ABLIM1: variants seen among roughly 807,000 people sequenced by gnomAD.
ABLIM1 encodes actin binding LIM protein 1, also known as actin-binding LIM protein 1.
Under a neutral mutation model 107.0 loss-of-function variants are expected in ABLIM1, and 40 were observed. The ratio of observed to expected loss-of-function variants is 0.37; its 90% CI spans 0.29 to 0.49. The LOEUF (loss-of-function observed/expected upper bound fraction) is 0.49. Ranked by LOEUF, ABLIM1 falls within the 20% of genes least tolerant of loss-of-function variation. ABLIM1 has a pLI of 0.97. For synonymous variants in ABLIM1, 357 were observed against 357.3 expected, an observed-to-expected ratio of 1.00 and a Z score of 0.01; for missense variants, 857 against 1,008.5, an observed-to-expected ratio of 0.85 and a Z score of 2.04.
At chr10:114,772,181 C>T (rs545966076), upstream of ABLIM1, among the ~76,000 whole-genome samples, 19 of 152,260 alleles carry the variant, frequency 1.2e-4, no homozygotes, top group African/African-American at 4.1e-4. Flanking sequence ...AAGCAGTATA[C>T]AAGGTGGAGA....
At chr10:114,607,633 G>A (rs748555720) in intron 1 of ABLIM1, among the ~76,000 whole-genome samples, 2 of 152,004 alleles carry the variant, frequency 1.3e-5, no homozygotes, top group Non-Finnish European at 2.9e-5. Context: ...TTGCCTCTGT[G>A]GTCTTCCTTC....
intron 1 of ABLIM1, among the ~76,000 whole-genome samples, chr10:114,635,143 C>T (rs2078414960): frequency 6.6e-6 from 1 of 152,188 alleles, no homozygotes; most frequent in Admixed American, 6.5e-5. Flanking sequence ...CGGACACCAA[C>T]CCACGGTTTT....
intron 3 of ABLIM1, among the ~76,000 whole-genome samples, chr10:114,574,727 C>T (rs2072245452): frequency 6.6e-6 from 1 of 152,156 alleles, no homozygotes; most frequent in Non-Finnish European, 1.5e-5. Flanking sequence ...TAAGGGTGAG[C>T]CACCACGCCC....
chr10:114,532,537 C>A (rs140665139), intron 6 of ABLIM1, among the ~76,000 whole-genome samples: 1,767 of 152,344 alleles, frequency 0.012, 21 homozygotes, highest in Non-Finnish European at 0.018. Flanking sequence ...ATCACTGGAT[C>A]CAAAGGAACA....
chr10:114,776,677 T>G, the ABLIM1 span, among the ~76,000 whole-genome samples: 1 of 152,194 alleles, frequency 6.6e-6, no homozygotes, highest in Admixed American at 6.5e-5. Context: ...CAGGCTGGAA[T>G]GCAGTGGTGT....
intron 1 of ABLIM1, among the ~76,000 whole-genome samples, chr10:114,604,231 G>A (rs1003896734): frequency 2.6e-5 from 4 of 152,186 alleles, no homozygotes; most frequent in African/African-American, 9.7e-5. Context: ...AGCAGAGGAA[G>A]CTGAAAGATC....
intron 1 of ABLIM1, among the ~76,000 whole-genome samples, chr10:114,651,605 A>C (rs1348862092): frequency 6.6e-6 from 1 of 152,152 alleles, no homozygotes; most frequent in Non-Finnish European, 1.5e-5. Context: ...AAGAGCTTGA[A>C]ACGTATGATT....
At chr10:114,598,363 G>C (rs2075661087) in intron 2 of ABLIM1, among the ~76,000 whole-genome samples, 1 of 151,454 alleles carries the variant, frequency 6.6e-6, no homozygotes, top group African/African-American at 2.4e-5. Flanking sequence ...AAGGCAGGCG[G>C]ATCACAAGTT....
chr10:114,463,181 CAG>C (rs1161930771), intron 12 of ABLIM1: 50 of 1,256,512 alleles, frequency 4.0e-5, no homozygotes, highest in Non-Finnish European at 5.1e-5. Flanking sequence ...AGCAAGGAGT[CAG>C]GGGCAGGGCA....
intron 7 of ABLIM1, among the ~76,000 whole-genome samples, chr10:114,490,235 G>A (rs1007027181): frequency 1.3e-5 from 2 of 152,220 alleles, no homozygotes; most frequent in Admixed American, 6.5e-5. Flanking sequence ...ACAGATGCGG[G>A]TGCTTGTCAC....
rs146460980 is a variant in ABLIM1, at chr10:114,757,538, T to A, written c.-213+10523A>T. ...TGAAAGAATTGGAGAGATCTAAGAT[T>A]CCCCTCTTTCTTCTACTTCATGTTG... On this transcript the variant is annotated intron_variant, in intron 1 of 15. Transcript: ENST00000651092. Among the ~76,000 whole-genome samples, 77 of 152,248 alleles carry A rather than the reference T, an allele frequency of 5.1e-4. No individual in the cohort carries two copies. In the East Asian group the frequency reaches 0.012, roughly 24 times the overall value.
chr10:114,764,732 T>A (rs964747293), intron 1 of ABLIM1: 2 of 152,252 alleles, frequency 1.3e-5, no homozygotes, highest in African/African-American at 4.8e-5. Context: ...GGACCTAATC[T>A]GCTAAGCAGT....
intron 6 of ABLIM1, among the ~76,000 whole-genome samples, chr10:114,516,403 A>G (rs753097452): frequency 1.3e-5 from 2 of 152,116 alleles, no homozygotes; most frequent in Non-Finnish European, 1.5e-5. Flanking sequence ...GTGTGGCTGT[A>G]ATCACAGCTA....
chr10:114,709,659 G>GA (rs1275924466), intron 1 of ABLIM1, among the ~76,000 whole-genome samples: 1 of 152,082 alleles, frequency 6.6e-6, no homozygotes, highest in East Asian at 1.9e-4. Context: ...TCTCTACATA[G>GA]AAAAAACTAC....
intron 6 of ABLIM1, among the ~76,000 whole-genome samples, chr10:114,522,637 T>G (rs1471135655): frequency 2.6e-5 from 4 of 152,244 alleles, no homozygotes; most frequent in Non-Finnish European, 1.5e-5. Flanking sequence ...CTTCATCTAG[T>G]GTTTATGAGC....
chr10:114,746,836 C>T (rs2082395780), intron 1 of ABLIM1, among the ~76,000 whole-genome samples: 1 of 152,134 alleles, frequency 6.6e-6, no homozygotes, highest in Non-Finnish European at 1.5e-5. Context: ...ATCTGTTAGT[C>T]ATTTGTATGT....
intron 8 of ABLIM1, among the ~76,000 whole-genome samples, chr10:114,477,288 T>G (rs1229610788): frequency 6.6e-6 from 1 of 152,212 alleles, no homozygotes; most frequent in Non-Finnish European, 1.5e-5. Context: ...AATATTTTTG[T>G]TGCGCTAGCT....
At chr10:114,547,465 A>T (rs2137638135) in intron 5 of ABLIM1, 185 bp downstream of exon 5, 1 of 726,328 alleles carries the variant, frequency 1.4e-6, no homozygotes, top group Non-Finnish European at 2.2e-6. Flanking sequence ...CATTAGGTTT[A>T]TAGTAGCCAA....
intron 17 of ABLIM1, 70 bp downstream of exon 17, chr10:114,443,959 G>T: frequency 7.8e-7 from 1 of 1,285,266 alleles, no homozygotes; most frequent in Non-Finnish European, 1.1e-6. Flanking sequence ...CAAGTGAACA[G>T]TCAAGGCAGG....
Sources: allele counts gnomAD v4.1 joint callset (sites outside exome capture counted in the v4.1 genomes callset), GRCh38; gene constraint gnomAD v4.1.1; transcripts MANE v1.5; gene names NCBI Gene and HGNC (gene_info 2026-07-23, HGNC 2026-07-21).